Variants in DNAH3 observed in about 807,000 individuals in gnomAD.
The protein encoded by DNAH3 is dynein axonemal heavy chain 3, also known as axonemal beta dynein heavy chain 3.
Under a neutral mutation model 432.5 loss-of-function variants are expected in DNAH3, and 332 were observed. That is an observed-to-expected ratio of 0.77 (90% CI 0.70 to 0.84). The LOEUF (loss-of-function observed/expected upper bound fraction) is 0.84. DNAH3 is among the 40% of genes least tolerant of loss of function. The pLI is 0.00. For missense variants in DNAH3, 4,861 were observed against 5,114.0 expected (o/e 0.95, Z 1.51); for synonymous variants, 1,956 against 1,900.2 (o/e 1.03, Z -0.76).
chr16:21,075,474 C>T lies in DNAH3; in HGVS notation c.3057G>A (p.Thr1019=), dbSNP rs764514972. ...TGTCCCTGTATTTCACGAAGCTGAA[C>T]GTCACGTTAACCCAATCCAACTTCA... The change falls in exon 21 of 62, where the codon ACG becomes ACA. Residue 1019 remains threonine, a synonymous_variant. Transcript: ENST00000261383. 2.1e-5 allele frequency: 34 copies of T among 1,613,984 alleles called. No individual in the cohort carries two copies. In the African/African-American group the frequency reaches 2.1e-4, roughly 10 times the overall value.
intron 54 of DNAH3, among the ~76,000 whole-genome samples, chr16:20,956,913 AG>A (rs1393268527): frequency 6.6e-6 from 1 of 152,060 alleles, no homozygotes; most frequent in African/African-American, 2.4e-5. Flanking sequence ...TAGTAGAGAC[AG>A]GGTTTCACCA....
At position 20,979,538 on chromosome 16, in the gene DNAH3, G is replaced by GAC; in HGVS notation, c.7866_7867dup (p.Ser2623CysfsTer36). The stretch of plus-strand genomic sequence containing the variant: ...GCTCTCTTGGAAATATTTGCACATG[G>GAC]ACACGACCCTGCCGAGGACACCAAG... On this transcript the variant is annotated frameshift_variant, in exon 50 of 62. Coordinates refer to ENST00000261383, the Ensembl canonical transcript of DNAH3. LOFTEE classifies it high-confidence loss of function. 1 of 1,614,032 alleles carries GAC rather than the reference G, an allele frequency of 6.2e-7. No individual in the cohort carries two copies. The highest frequency in any genetic ancestry group is 8.5e-7 in the Non-Finnish European group (1 of 1,180,004).
At chr16:20,982,982 G>A in intron 48 of DNAH3, 96 bp from the exon 49 acceptor site, 2 of 1,396,776 alleles carry the variant, frequency 1.4e-6, no homozygotes, top group African/African-American at 1.4e-5. Context: ...GGGGTAAGTG[G>A]GGGCAGGCTT....
chr16:20,987,721 A>T, exon 46 of DNAH3: 1 of 1,614,120 alleles, frequency 6.2e-7, no homozygotes, highest in Non-Finnish European at 8.5e-7. Context: ...GCACAGCAGG[A>T]CCCCTTGAAT....
At chr16:21,009,969 A>G (rs2087511603) in intron 41 of DNAH3, among the ~76,000 whole-genome samples, 1 of 83,124 alleles carries the variant, frequency 1.2e-5, no homozygotes, top group Admixed American at 1.4e-4. Context: ...GGAAGAGGAG[A>G]AGAGAAGAGA....
chr16:21,115,917 A>G (rs1348457831), intron 12 of DNAH3, among the ~76,000 whole-genome samples: 1 of 152,080 alleles, frequency 6.6e-6, no homozygotes, highest in Non-Finnish European at 1.5e-5. Flanking sequence ...GTTGTTCTCA[A>G]CTGGTGGGGA....
exon 10 of DNAH3, chr16:21,122,009 C>T (rs1477068701): frequency 1.2e-6 from 2 of 1,613,828 alleles, no homozygotes; most frequent in Non-Finnish European, 8.5e-7. Context: ...TTCCCAGCAG[C>T]CATCAAAAGA....
intron 46 of DNAH3, 29 bp from the exon 47 acceptor site, chr16:20,987,477 G>A (rs773024888): frequency 5.6e-6 from 9 of 1,612,994 alleles, no homozygotes; most frequent in Middle Eastern, 1.7e-4. Context: ...TTATTCAAAC[G>A]AGTGGAAGAT....
At chr16:20,989,752 A>G in intron 44 of DNAH3, among the ~76,000 whole-genome samples, 1 of 152,236 alleles carries the variant, frequency 6.6e-6, no homozygotes. Flanking sequence ...TGGGAGGCTC[A>G]GGCATGGCGG....
intron 35 of DNAH3, among the ~76,000 whole-genome samples, chr16:21,035,183 CG>C (rs2089102951): frequency 6.6e-6 from 1 of 151,988 alleles, no homozygotes; most frequent in South Asian, 2.1e-4. Context: ...AAAAATTAGC[CG>C]GGCATAGTGG....
Position 20,977,207 on chromosome 16 carries a change from T to C in DNAH3, c.8077-1792A>G, listed in dbSNP as rs572899525. Among the ~76,000 whole-genome samples the C allele has an allele frequency of 2.0e-5, 3 of 152,132 alleles. No homozygotes were observed. The East Asian group carries it at 5.8e-4, about 29-fold the overall frequency. ...GCCTGACCAACATGGAGAAACCCTG[T>C]CCCTACTAAAAACGCAAAAATTAGC... On this transcript the variant is annotated intron_variant, in intron 50 of 61. Coordinates refer to ENST00000261383, the Ensembl canonical transcript of DNAH3.
rs991196635 is a variant in DNAH3, at chr16:21,117,875, A to T, written c.1700-558T>A. 2.0e-5 allele frequency among the ~76,000 whole-genome samples: 3 copies of T among 152,226 alleles called. No individual in the cohort carries two copies. In the South Asian group the frequency reaches 6.2e-4, roughly 32 times the overall value. On this transcript the variant is annotated intron_variant, in intron 11 of 61. Transcript: ENST00000261383. Reference sequence around the variant, plus strand: ...TATCGTAGTGCTCCCCTCCTCCCCTACTACCCAGTTTTCCTCTCTAATGAA... The same window carrying T: ...TATCGTAGTGCTCCCCTCCTCCCCTTCTACCCAGTTTTCCTCTCTAATGAA...
intron 3 of DNAH3, among the ~76,000 whole-genome samples, chr16:21,142,938 G>A (rs984024020): frequency 2.0e-5 from 3 of 152,126 alleles, no homozygotes; most frequent in Non-Finnish European, 4.4e-5. Context: ...TCACAAAATG[G>A]AAATAATACA....
intron 11 of DNAH3, among the ~76,000 whole-genome samples, chr16:21,119,248 A>G (rs892817036): frequency 6.6e-6 from 1 of 152,220 alleles, no homozygotes; most frequent in Non-Finnish European, 1.5e-5. Context: ...GAAGTCTTCA[A>G]ACTTAAGAGG....
At chr16:21,037,808 C>G (rs537258918) in exon 34 of DNAH3, 1 of 1,614,202 alleles carries the variant, frequency 6.2e-7, no homozygotes, top group African/African-American at 1.3e-5. Context: ...AGATTGACAT[C>G]AAGCAATGCC....
intron 37 of DNAH3, among the ~76,000 whole-genome samples, chr16:21,027,703 G>A (rs2088644525): frequency 6.6e-6 from 1 of 152,236 alleles, no homozygotes; most frequent in African/African-American, 2.4e-5. Flanking sequence ...AGCTGAGCAT[G>A]GTGGCACATG....
intron 28 of DNAH3, among the ~76,000 whole-genome samples, chr16:21,053,133 G>A (rs1196273653): frequency 6.6e-6 from 1 of 152,076 alleles, no homozygotes. Flanking sequence ...CCTCAGAAAC[G>A]TCACTTTTCA....
rs1206725487 is a variant in DNAH3, at chr16:21,128,731, C to T, written c.1083-919G>A. Among the ~76,000 whole-genome samples, 4 of 150,670 alleles carry T rather than the reference C, an allele frequency of 2.7e-5. No individual in the cohort carries two copies. In the Admixed American group the frequency reaches 2.7e-4, roughly 10 times the overall value. On this transcript the variant is annotated intron_variant, in intron 7 of 61. Coordinates refer to ENST00000261383, the Ensembl canonical transcript of DNAH3. ...TAGACGCGCTGGGTGTGGTGGTGCA[C>T]ACCTGTAATCCCAGCTACTTAGGAG...
Position 21,055,096 on chromosome 16 carries a change from G to GA in DNAH3, c.3925-563dup, listed in dbSNP as rs746162525. 4.8e-3 allele frequency among the ~76,000 whole-genome samples: 646 copies of GA among 134,786 alleles called. 25 individuals carry two copies. In the East Asian group the frequency reaches 0.097, roughly 20 times the overall value. The allele number at this position is 134,786 out of a possible 152,430, so 88.4% of individuals were successfully genotyped here. Reference sequence around the variant, plus strand: ...TAATCCTAGATTGCATCCTGGACCAGAAAAAAAAAAAAAGACAGTAGGGCA... The same window carrying GA: ...TAATCCTAGATTGCATCCTGGACCAGAAAAAAAAAAAAAAGACAGTAGGGCA... On this transcript the variant is annotated intron_variant, in intron 27 of 61. Coordinates refer to ENST00000261383, the Ensembl canonical transcript of DNAH3.
Sources: gnomAD v4.1 joint callset for allele counts (sites outside exome capture counted in the v4.1 genomes callset) on GRCh38, gnomAD v4.1.1 for gene constraint, MANE v1.5 for transcripts, NCBI Gene and HGNC (gene_info 2026-07-23, HGNC 2026-07-21) for gene names.